Variants in PWP1 observed in about 807,000 individuals in gnomAD.
The protein encoded by PWP1 is periodic tryptophan protein 1 homolog.
A neutral mutation model predicts 69.9 loss-of-function variants in PWP1; 47 were observed. That is an observed-to-expected ratio of 0.67 (90% confidence interval 0.53 to 0.86). The LOEUF is 0.86. PWP1 is among the 40% of genes least tolerant of loss of function. The pLI is 0.00. For synonymous variants in PWP1, 222 were observed against 208.2 expected, an observed-to-expected ratio of 1.07 and a Z score of -0.57; for missense variants, 551 against 608.8, an observed-to-expected ratio of 0.91 and a Z score of 1.00.
intron 14 of PWP1, 142 bp downstream of exon 14, chr12:107,710,652 A>G: frequency 7.5e-7 from 1 of 1,339,640 alleles, no homozygotes; most frequent in Middle Eastern, 2.8e-4. Context: ...CCTTCTGTAT[A>G]GCTGGGATTA....
chr12:107,686,021 G>A (rs1346301375), intron 1 of PWP1, 50 bp downstream of exon 1: 2 of 1,591,822 alleles, frequency 1.3e-6, no homozygotes, highest in African/African-American at 1.3e-5. Flanking sequence ...TTACGGCACT[G>A]GGGGTCCGCC....
chr12:107,695,959 C>T (rs1403092266), intron 5 of PWP1, among the ~76,000 whole-genome samples: 1 of 151,476 alleles, frequency 6.6e-6, no homozygotes, highest in Admixed American at 6.6e-5. Flanking sequence ...TCATTTTCTC[C>T]TGTGGGGTAT....
At chr12:107,696,401 G>GT (rs1566078683) in intron 5 of PWP1, 73 bp from the exon 6 acceptor site, 2 of 1,567,538 alleles carry the variant, frequency 1.3e-6, no homozygotes. Context: ...AATAGAATTT[G>GT]TTTTTTTGAG....
chr12:107,691,727 C>T lies in PWP1; in HGVS notation c.320-1087C>T, dbSNP rs867135878. Among the ~76,000 whole-genome samples the T allele has an allele frequency of 4.6e-5, 7 of 152,270 alleles. No individual in the cohort carries two copies. The Middle Eastern group carries it at 0.014, about 296-fold the overall frequency. On this transcript the variant is annotated intron_variant, in intron 3 of 14. Transcript: ENST00000412830. ...TCAGACAAGAAGTAACCCTGATTTC[C>T]TCACTCCATCTGAATTGATTTTTAT...
At chr12:107,708,479 C>G (rs1241126733) in intron 11 of PWP1, among the ~76,000 whole-genome samples, 1 of 152,124 alleles carries the variant, frequency 6.6e-6, no homozygotes, top group Admixed American at 6.5e-5. Context: ...CCTTTCATTC[C>G]TAAGTTCCTT....
intron 7 of PWP1, among the ~76,000 whole-genome samples, chr12:107,698,232 T>A (rs1889631459): frequency 6.6e-6 from 1 of 152,138 alleles, no homozygotes; most frequent in African/African-American, 2.4e-5. Flanking sequence ...CATGTTGGTG[T>A]GTTCCTGTAA....
At chr12:107,708,904 G>A (rs994270375) in intron 11 of PWP1, 22 bp from the exon 12 acceptor site, 10 of 1,603,424 alleles carry the variant, frequency 6.2e-6, no homozygotes, top group Admixed American at 3.3e-5. Flanking sequence ...GCATGACCTT[G>A]CCCATCTTTT....
In PWP1 at chr12:107,712,165, C is replaced by T. The variant is rs745776391; in HGVS notation, c.1451C>T (p.Ser484Leu). ...CTTGTTCTTGGGAGTGCAAGAAATT[C>T]ATCTATTAGTGGCCCTTTTGGCAGC... Reference protein sequence around the residue: ...ERLVLGSARNSSISGPFGSRS... With the variant: ...ERLVLGSARNLSISGPFGSRS... Residue 484 changes from serine (S) to leucine (L), a missense_variant, in exon 15 of 15, where the codon TCA becomes TTA. Transcript: ENST00000412830. 2 of 1,614,030 alleles carry T rather than the reference C, an allele frequency of 1.2e-6. No homozygotes were observed. The highest frequency in any genetic ancestry group is 1.7e-5 in the Admixed American group (1 of 60,020).
chr12:107,711,036 C>G (rs890929018), intron 14 of PWP1, among the ~76,000 whole-genome samples: 1 of 152,176 alleles, frequency 6.6e-6, no homozygotes, highest in Non-Finnish European at 1.5e-5. Flanking sequence ...GCCTTCAGAG[C>G]AGACAGCCCC....
In PWP1 at chr12:107,688,698, C is replaced by G. The variant is rs202133075; in HGVS notation, c.215C>G (p.Pro72Arg). The change falls in exon 3 of 15, where the codon CCA (proline) becomes CGA (arginine). Residue 72 changes from proline (P) to arginine (R), a missense_variant. By Grantham distance (103) the Pro-to-Arg change is moderately radical. Transcript: ENST00000412830. ...GMQSARTQARPREPLEDGDPE... is the reference protein window; with the variant it reads ...GMQSARTQARRREPLEDGDPE... Reference sequence around the variant, plus strand: ...CAGAGTGCACGCACCCAGGCACGCCCAAGAGAGCCCCTGGAGGATGGTGAC... The same window carrying G: ...CAGAGTGCACGCACCCAGGCACGCCGAAGAGAGCCCCTGGAGGATGGTGAC... 3.3e-5 allele frequency: 53 copies of G among 1,614,172 alleles called. No individual in the cohort carries two copies. Among genetic ancestry groups the G allele is most frequent in the Middle Eastern group, 3.3e-4 (2 of 6,062 alleles).
At chr12:107,704,813 GAGAGAATTATCTGAA>G in intron 11 of PWP1, 66 bp downstream of exon 11, 1 of 1,284,868 alleles carries the variant, frequency 7.8e-7, no homozygotes, top group Non-Finnish European at 1.1e-6. Context: ...TTCCATAGTA[GAGAGAATTATCTGAA>G]AAGCTTTTTC....
chr12:107,704,678 T>C lies in PWP1; in HGVS notation c.1008T>C (p.His336=). 1.2e-6 allele frequency: 2 copies of C among 1,614,032 alleles called. No homozygotes were observed. Among genetic ancestry groups the C allele is most frequent in the Non-Finnish European group, 1.7e-6 (2 of 1,179,936 alleles). ...ACTGCCGAAGTCCAGATGAAAGCCA[T>C]CGAATGTGGCGATTCAGTGGGCAGA... is the stretch of plus-strand genomic sequence containing the variant. The part of the protein sequence containing the change: ...LYDCRSPDES[H]RMWRFSGQIE... Residue 336 remains histidine (H), a synonymous_variant, in exon 11 of 15, where the codon CAT becomes CAC. Transcript: ENST00000412830.
chr12:107,697,414 A>G (rs897515124), intron 6 of PWP1, 53 bp from the exon 7 acceptor site: 3 of 1,510,002 alleles, frequency 2.0e-6, no homozygotes, highest in Non-Finnish European at 2.7e-6. Context: ...TTTGATTAGA[A>G]GTTCTGTATG....
At chr12:107,711,626 AGT>A (rs1889954259) in intron 14 of PWP1, among the ~76,000 whole-genome samples, 1 of 152,160 alleles carries the variant, frequency 6.6e-6, no homozygotes, top group African/African-American at 2.4e-5. Context: ...ACTTTGAGGT[AGT>A]CTGGTGCGTT....
rs572636804 is a variant in PWP1 at position 107,688,737 on chromosome 12, G to A, written c.254G>A (p.Arg85Lys). The part of the protein sequence containing the change: ...PLEDGDPEDD[R>K]TLDDDELAEY... ...GAGGATGGTGACCCAGAGGATGACA[G>A]GACGCTTGATGATGATGAGCTGGCT... The change falls in exon 3 of 15, where the codon AGG becomes AAG. Residue 85 changes from arginine (R) to lysine (K), a missense_variant. Arg to Lys is a conservative substitution (Grantham distance 26). Coordinates refer to ENST00000412830, the MANE Select transcript of PWP1 (RefSeq NM_007062.3). The A allele has an allele frequency of 1.2e-6, 2 of 1,614,214 alleles. No individual in the cohort carries two copies. Among genetic ancestry groups the A allele is most frequent in the African/African-American group, 1.3e-5 (1 of 75,064 alleles).
chr12:107,712,075 A>G, intron 14 of PWP1, 36 bp from the exon 15 acceptor site: 1 of 1,526,098 alleles, frequency 6.6e-7, no homozygotes, highest in Non-Finnish European at 9.1e-7. Flanking sequence ...TAATTTCCTG[A>G]TCTGTTAGTT....
chr12:107,712,335 A>G lies in PWP1; in HGVS notation c.*115A>G. The G allele has an allele frequency of 1.4e-6, 1 of 727,428 alleles. No homozygotes were observed. The highest frequency in any genetic ancestry group is 2.3e-6 in the Non-Finnish European group (1 of 432,580). The allele number at this position is 727,428 out of a possible 1,614,324, so 45.1% of individuals were successfully genotyped here. On this transcript the variant is annotated 3_prime_UTR_variant, in exon 15 of 15. Transcript: ENST00000412830. ...GTGACTGAAACACAATTCATTTCTG[A>G]CTGACATTCCTTTCTGCAACTGCGG...
chr12:107,709,302 G>C, intron 13 of PWP1, 70 bp downstream of exon 13: 1 of 1,548,226 alleles, frequency 6.5e-7, no homozygotes, highest in Non-Finnish European at 8.8e-7. Flanking sequence ...TGGAACTTGT[G>C]TTGCGTGTTT....
In PWP1 at chr12:107,685,842, C is replaced by T. The variant is rs1889351255; in HGVS notation, c.-58C>T. The T allele has an allele frequency of 1.3e-6, 2 of 1,580,028 alleles. No individual in the cohort carries two copies. The highest frequency in any genetic ancestry group is 8.7e-7 in the Non-Finnish European group (1 of 1,150,198). On this transcript the variant is annotated 5_prime_UTR_variant, in exon 1 of 15. Coordinates refer to ENST00000412830, the MANE Select transcript of PWP1 (RefSeq NM_007062.3). ...CCTGAGCGTGTGGCAGCAGTGCGGT[C>T]GTGGTCCCTCCCTATGCAGCCTGGT...
Sources: allele counts gnomAD v4.1 joint callset (sites outside exome capture counted in the v4.1 genomes callset), GRCh38; gene constraint gnomAD v4.1.1; transcripts MANE v1.5; gene names NCBI Gene and HGNC (gene_info 2026-07-23, HGNC 2026-07-21).